MYH10: variants seen among roughly 807,000 people sequenced by gnomAD.
MYH10 encodes the protein myosin-10.
A neutral mutation model predicts 257.8 loss-of-function variants in MYH10; 55 were observed. The observed-to-expected ratio is 0.21, with a 90% CI of 0.17 to 0.27. MYH10 has a LOEUF of 0.27. Ranked by LOEUF, MYH10 falls within the 10% of genes least tolerant of loss-of-function variation. The probability of loss-of-function intolerance (pLI) is 1.00; values close to 1 mark genes in which losing one functional copy is unlikely to be tolerated. For synonymous variants in MYH10, 854 were observed against 921.7 expected (o/e 0.93, Z 1.33); for missense variants, 1,631 against 2,500.6 (o/e 0.65, Z 7.42).
chr17:8,549,743 T>G (rs763124965), intron 9 of MYH10, among the ~76,000 whole-genome samples: 7 of 152,146 alleles, frequency 4.6e-5, no homozygotes, highest in Non-Finnish European at 7.4e-5. Context: ...CTCCCTCTCA[T>G]GCTGAGCCGA....
chr17:8,513,600 C>T lies in MYH10; in HGVS notation c.2683G>A (p.Val895Met), dbSNP rs149675557. The T allele has an allele frequency of 2.1e-5, 34 of 1,614,204 alleles. No individual in the cohort carries two copies. Among genetic ancestry groups the T allele is most frequent in the Non-Finnish European group, 2.9e-5 (34 of 1,180,030 alleles). Reference sequence around the variant, plus strand: ...TCCACCTTCGTCTGCTTCTCCTTCACCTTCAACAGCTCTTCATCTTTGGCC... The same window carrying T: ...TCCACCTTCGTCTGCTTCTCCTTCATCTTCAACAGCTCTTCATCTTTGGCC... ...LQAKDEELLKVKEKQTKVEGE... is the reference protein window; with the variant it reads ...LQAKDEELLKMKEKQTKVEGE... Residue 895 changes from valine to methionine, a missense_variant, in exon 23 of 43, where the codon GTG becomes ATG. Val to Met is a conservative substitution (Grantham distance 21, BLOSUM62 1). Around this residue, in one of 11 missense-constraint regions of MYH10, gnomAD observed 116 missense variants for 221.6 expected, o/e 0.52. Transcript: ENST00000360416.
intron 2 of MYH10, among the ~76,000 whole-genome samples, chr17:8,608,513 T>C (rs1597964839): frequency 6.6e-6 from 1 of 152,248 alleles, no homozygotes; most frequent in Admixed American, 6.5e-5. Context: ...AACAAATCCC[T>C]TTAATGTACT....
intron 4 of MYH10, among the ~76,000 whole-genome samples, chr17:8,586,285 A>AT (rs141921676): frequency 0.013 from 1,950 of 152,336 alleles, 34 homozygotes; most frequent in African/African-American, 0.045. Context: ...ACTTGTGTAA[A>AT]TAAGTCTTAT....
intron 2 of MYH10, among the ~76,000 whole-genome samples, chr17:8,608,017 A>C (rs1485395859): frequency 2.0e-5 from 3 of 152,194 alleles, no homozygotes; most frequent in Admixed American, 1.3e-4. Flanking sequence ...TTCCTATTAA[A>C]GTAGTAAAAG....
At chr17:8,617,760 A>C (rs1463254422) in intron 2 of MYH10, among the ~76,000 whole-genome samples, 1 of 152,198 alleles carries the variant, frequency 6.6e-6, no homozygotes, top group Non-Finnish European at 1.5e-5. Flanking sequence ...CATTGGGTCA[A>C]AAATATTATG....
Position 8,504,729 on chromosome 17 carries a change from G to A in MYH10, c.3564C>T (p.Asp1188=). 6.2e-7 allele frequency: 1 copy of A among 1,614,128 alleles called. No homozygotes were observed. The highest frequency in any genetic ancestry group is 8.5e-7 in the Non-Finnish European group (1 of 1,180,028). The change falls in exon 28 of 43, where the codon GAC becomes GAT. Residue 1188 remains aspartate, a synonymous_variant. Transcript: ENST00000360416. The surrounding 1 kb of genome is among the most constrained non-coding windows in gnomAD (Gnocchi z 5.6). ...GCTGGGCTGCCGTGGTGTCCAGCGTGTCCTCCAGCTCTGTTTTCAGAGCTT... is the reference window on the plus strand; with the variant it reads ...GCTGGGCTGCCGTGGTGTCCAGCGTATCCTCCAGCTCTGTTTTCAGAGCTT... ...ELEALKTELE[D]TLDTTAAQQE...
intron 3 of MYH10, among the ~76,000 whole-genome samples, chr17:8,595,623 T>C (rs1357392326): frequency 6.6e-6 from 1 of 151,784 alleles, no homozygotes. Flanking sequence ...GTAGAGACAG[T>C]TTTCTCCATA....
At chr17:8,478,258 A>C in intron 41 of MYH10, 80 bp downstream of exon 41, 1 of 1,237,418 alleles carries the variant, frequency 8.1e-7, no homozygotes, top group Non-Finnish European at 1.2e-6. Flanking sequence ...CCTGAATTCC[A>C]CTGGTCAGTT....
intron 1 of MYH10, 58 bp from the exon 2 acceptor site, chr17:8,623,335 T>A: frequency 7.0e-7 from 1 of 1,431,606 alleles, no homozygotes; most frequent in Non-Finnish European, 9.2e-7. Context: ...AATGTACACG[T>A]TTTTCTTTTC....
rs1409189344 is a variant in MYH10 at position 8,552,583 on chromosome 17, C to A, written c.821-439G>T. Among the ~76,000 whole-genome samples the A allele has an allele frequency of 6.6e-6, 1 of 152,098 alleles. No individual in the cohort carries two copies. Among genetic ancestry groups the A allele is most frequent in the Non-Finnish European group, 1.5e-5 (1 of 68,020 alleles). On this transcript the variant is annotated intron_variant, in intron 8 of 42. Transcript: ENST00000360416. The surrounding 1 kb of genome is among the most constrained non-coding windows in gnomAD (Gnocchi z 4.8). ...GAAGCCATGGTATAAGGAAATTAGTCAAAATAATATAGTTAATAAGTGGTA... is the reference window on the plus strand; with the variant it reads ...GAAGCCATGGTATAAGGAAATTAGTAAAAATAATATAGTTAATAAGTGGTA...
In MYH10 at chr17:8,577,259, C is replaced by T; in HGVS notation, c.610G>A (p.Gly204Arg). Residue 204 changes from glycine to arginine, a missense_variant, in exon 5 of 43, where the codon GGA (glycine) becomes AGA (arginine). Physicochemically the swap from Gly to Arg is moderately radical, Grantham distance 125. Coordinates refer to ENST00000360416, the MANE Select transcript of MYH10 (RefSeq NM_001256012.3). ...ACAGGAATATTATGGTCCTTTCTTC[C>T]TTTATGTGAAGAAGCAACATGGGCA... ...YLAHVASSHKGRKDHNIPQES... is the reference protein window; with the variant it reads ...YLAHVASSHKRRKDHNIPQES... 6.2e-7 allele frequency: 1 copy of T among 1,611,552 alleles called. No individual in the cohort carries two copies. The highest frequency in any genetic ancestry group is 8.5e-7 in the Non-Finnish European group (1 of 1,178,194).
intron 30 of MYH10, 27 bp from the exon 31 acceptor site, chr17:8,495,268 A>G: frequency 7.2e-7 from 1 of 1,396,224 alleles, no homozygotes; most frequent in Non-Finnish European, 1.0e-6. Flanking sequence ...ATTAAATTCA[A>G]CTCAATAGTA....
chr17:8,513,413 C>T (rs968720028), intron 23 of MYH10, 125 bp downstream of exon 23: 48 of 1,400,096 alleles, frequency 3.4e-5, no homozygotes, highest in Non-Finnish European at 4.5e-5. Context: ...GTGAAAAGGC[C>T]TCCCATAAAA....
chr17:8,564,736 T>C (rs2083110175), intron 7 of MYH10, among the ~76,000 whole-genome samples: 2 of 152,160 alleles, frequency 1.3e-5, no homozygotes, highest in South Asian at 4.1e-4. Flanking sequence ...GGCACTATGC[T>C]AGGAACCAAA....
chr17:8,518,842 T>C, intron 20 of MYH10, 39 bp downstream of exon 20: 1 of 1,602,684 alleles, frequency 6.2e-7, no homozygotes, highest in Admixed American at 1.7e-5. Flanking sequence ...AAAGATTAGA[T>C]TAAATCTACA....
rs1228410147 is a variant in MYH10 at position 8,477,813 on chromosome 17, C to T, written c.5706+525G>A. On this transcript the variant is annotated intron_variant, in intron 41 of 42. Transcript: ENST00000360416. This position sits in a 1 kb window ranked among gnomAD's most constrained non-coding sequence, Gnocchi z 4.2. ...GCGGGAGGGAGGGTATAGCTGCCCACGCTGCAATCAGGGCAGGCCTGACCC... is the reference window on the plus strand; with the variant it reads ...GCGGGAGGGAGGGTATAGCTGCCCATGCTGCAATCAGGGCAGGCCTGACCC... 3.3e-5 allele frequency among the ~76,000 whole-genome samples: 5 copies of T among 152,176 alleles called. No individual in the cohort carries two copies. Among genetic ancestry groups the T allele is most frequent in the Admixed American group, 1.3e-4 (2 of 15,270 alleles).
rs575022621 is a variant in MYH10 at position 8,504,321 on chromosome 17, G to A, written c.3599+373C>T. Among the ~76,000 whole-genome samples the A allele has an allele frequency of 2.6e-5, 4 of 151,998 alleles. No individual in the cohort carries two copies. The highest frequency in any genetic ancestry group is 5.9e-5 in the Non-Finnish European group (4 of 67,976). On this transcript the variant is annotated intron_variant, in intron 28 of 42. Coordinates refer to ENST00000360416, the MANE Select transcript of MYH10 (RefSeq NM_001256012.3). The surrounding 1 kb of genome is among the most constrained non-coding windows in gnomAD (Gnocchi z 5.6). ...GCCAGCATGTGTGCCTGGCCTCCTG[G>A]GTATCTCCTCCTATTCCTGTGTTTA...
intron 3 of MYH10, among the ~76,000 whole-genome samples, chr17:8,604,511 T>TA (rs1371538252): frequency 6.6e-6 from 1 of 152,220 alleles, no homozygotes; most frequent in Non-Finnish European, 1.5e-5. Context: ...CTATTGGTTT[T>TA]AAAACCTAAT....
intron 7 of MYH10, among the ~76,000 whole-genome samples, chr17:8,556,064 C>T (rs2082782679): frequency 6.6e-6 from 1 of 152,318 alleles, no homozygotes; most frequent in African/African-American, 2.4e-5. Context: ...TTAGGGAAAT[C>T]TAAGTAAAAA....
Sources: allele counts gnomAD v4.1 joint callset (sites outside exome capture counted in the v4.1 genomes callset), GRCh38; gene constraint gnomAD v4.1.1; regional missense constraint gnomAD v4.1.1; non-coding constraint Gnocchi (gnomAD v3.1); transcripts MANE v1.5; gene names NCBI Gene and HGNC (gene_info 2026-07-23, HGNC 2026-07-21).